Variants in PPP1R16B observed in about 807,000 individuals in gnomAD.
PPP1R16B encodes the protein protein phosphatase 1 regulatory subunit 16B.
Under a neutral mutation model 61.7 loss-of-function variants are expected in PPP1R16B, and 14 were observed. The observed-to-expected ratio is 0.23, with a 90% confidence interval of 0.15 to 0.35. PPP1R16B has a LOEUF of 0.35. Ranked by LOEUF, PPP1R16B falls within the 10% of genes least tolerant of loss-of-function variation. The pLI is 1.00. For missense variants in PPP1R16B, 547 were observed against 752.5 expected (o/e 0.73, Z 3.19); for synonymous variants, 266 against 305.3 (o/e 0.87, Z 1.34).
At chr20:38,877,385 C>T (rs2085174985) in intron 2 of PPP1R16B, among the ~76,000 whole-genome samples, 1 of 151,988 alleles carries the variant, frequency 6.6e-6, no homozygotes, top group South Asian at 2.1e-4. Context: ...CCTCGGCCCA[C>T]TGCAACCTCC....
chr20:38,896,404 A>ATC (rs142384788), intron 4 of PPP1R16B, among the ~76,000 whole-genome samples: 12 of 141,270 alleles, frequency 8.5e-5, no homozygotes, highest in South Asian at 2.3e-4. Context: ...TCCTCTCTTC[A>ATC]TCTCTCTCTC....
rs570221160 is a variant in PPP1R16B at position 38,828,155 on chromosome 20, T to A, written c.-101-7670T>A. 2.6e-5 allele frequency among the ~76,000 whole-genome samples: 4 copies of A among 152,326 alleles called. No individual in the cohort carries two copies. In the East Asian group the frequency reaches 7.7e-4, roughly 29 times the overall value. On this transcript the variant is annotated intron_variant, in intron 1 of 10. Transcript: ENST00000299824. ...GTTGTTTTTCTCGAGGCACTAGGCT[T>A]GAGTCCAAAAATGTGTCAACCGACT...
At chr20:38,855,978 A>AAGGAGGAGGAGGAGGAG (rs1265586618) in intron 2 of PPP1R16B, among the ~76,000 whole-genome samples, 1 of 29,752 alleles carries the variant, frequency 3.4e-5, no homozygotes, top group African/African-American at 2.3e-4. Context: ...AGAGAGAGAG[A>AAGGAGGAGGAGGAGGAG]GAGAAGGAGG....
chr20:38,865,359 G>C (rs938451503), intron 2 of PPP1R16B, among the ~76,000 whole-genome samples: 1 of 149,936 alleles, frequency 6.7e-6, no homozygotes, highest in Non-Finnish European at 1.5e-5. Flanking sequence ...GCGCGATCTC[G>C]GCTCACTGCG....
intron 1 of PPP1R16B, among the ~76,000 whole-genome samples, chr20:38,815,027 A>G (rs2084726295): frequency 6.6e-6 from 1 of 152,164 alleles, no homozygotes. Context: ...ATTTTCACCA[A>G]AATGTCATTC....
At chr20:38,855,933 T>TAGAGAGAGAGAGAG (rs1362360833) in intron 2 of PPP1R16B, among the ~76,000 whole-genome samples, 1 of 48,328 alleles carries the variant, frequency 2.1e-5, no homozygotes, top group Non-Finnish European at 3.5e-5. Flanking sequence ...TATATATATA[T>TAGAGAGAGAGAGAG]ATATATATAT....
At chr20:38,870,772 T>C (rs2085123404) in intron 2 of PPP1R16B, among the ~76,000 whole-genome samples, 1 of 152,206 alleles carries the variant, frequency 6.6e-6, no homozygotes, top group Admixed American at 6.5e-5. Context: ...ATTTCCTTGC[T>C]GCGTTCTCAG....
intron 2 of PPP1R16B, among the ~76,000 whole-genome samples, chr20:38,870,556 G>A (rs2085121790): frequency 6.6e-6 from 1 of 152,134 alleles, no homozygotes; most frequent in African/African-American, 2.4e-5. Flanking sequence ...AGAGGAGAGT[G>A]TTCTAGGCAG....
At position 38,910,975 on chromosome 20, in the gene PPP1R16B, C is replaced by G. The variant is rs1053219639; in HGVS notation, c.1194+2782C>G. 2.0e-5 allele frequency among the ~76,000 whole-genome samples: 3 copies of G among 151,694 alleles called. No homozygotes were observed. In the East Asian group the frequency reaches 6.0e-4, roughly 30 times the overall value. On this transcript the variant is annotated intron_variant, in intron 10 of 10. Coordinates refer to ENST00000299824, the MANE Select transcript of PPP1R16B (RefSeq NM_015568.4). ...GAGCCACTGCACTCCAGCCTGGGGA[C>G]AGAGCGAGACTCCGTCTCAAAACAA... is the stretch of plus-strand genomic sequence containing the variant.
In PPP1R16B at chr20:38,895,834, C is replaced by T. The variant is rs1399512832; in HGVS notation, c.467+124C>T. On this transcript the variant is annotated intron_variant, in intron 4 of 10. Transcript: ENST00000299824. Reference sequence around the variant, plus strand: ...CCTCCCTTCCTCCTTCCTTCTTTCTCTCCTCCCTTCCTCCTTCCTTCTTTC... The same window carrying T: ...CCTCCCTTCCTCCTTCCTTCTTTCTTTCCTCCCTTCCTCCTTCCTTCTTTC... 1,213 of 986,088 alleles carry T rather than the reference C, an allele frequency of 1.2e-3. 6 individuals carry two copies. The highest frequency in any genetic ancestry group is 0.01 in the East Asian group (266 of 25,556). The allele number at this position is 986,088 out of a possible 1,614,324, so 61.1% of individuals were successfully genotyped here. A position where few individuals can be genotyped will look rare whatever the true frequency, so the allele number is the denominator to read the frequency against.
intron 2 of PPP1R16B, among the ~76,000 whole-genome samples, chr20:38,886,933 T>C (rs1056595069): frequency 6.6e-6 from 1 of 152,254 alleles, no homozygotes; most frequent in Admixed American, 6.5e-5. Context: ...AAGCCCATAA[T>C]TAGTTATATA....
At chr20:38,880,933 G>A (rs1022291911) in intron 2 of PPP1R16B, among the ~76,000 whole-genome samples, 37 of 152,130 alleles carry the variant, frequency 2.4e-4, no homozygotes, top group African/African-American at 8.7e-4. Flanking sequence ...CCACCAGCAG[G>A]GCCCGAGGGC....
intron 2 of PPP1R16B, among the ~76,000 whole-genome samples, chr20:38,864,134 T>C (rs538111862): frequency 6.6e-6 from 1 of 152,312 alleles, no homozygotes; most frequent in South Asian, 2.1e-4. Context: ...ATGTCCAGAA[T>C]AGACAAATCT....
chr20:38,821,539 A>AT (rs1019134958), intron 1 of PPP1R16B, among the ~76,000 whole-genome samples: 1 of 152,162 alleles, frequency 6.6e-6, no homozygotes, highest in Non-Finnish European at 1.5e-5. Context: ...TTTGTGACAT[A>AT]TTTTTTTGCC....
intron 2 of PPP1R16B, among the ~76,000 whole-genome samples, chr20:38,862,272 G>C (rs757550589): frequency 6.6e-6 from 1 of 152,212 alleles, no homozygotes; most frequent in African/African-American, 2.4e-5. Context: ...GGCAATGTTA[G>C]CATAGTGAAT....
intron 2 of PPP1R16B, among the ~76,000 whole-genome samples, chr20:38,888,721 G>A (rs1163713196): frequency 1.3e-5 from 2 of 152,216 alleles, no homozygotes; most frequent in Non-Finnish European, 2.9e-5. Flanking sequence ...CCCTTTGCAC[G>A]TGGGTTCAGG....
rs2085560540 is a variant in PPP1R16B, at chr20:38,918,391, C to G, written c.1429C>G (p.Pro477Ala). 1 of 1,614,008 alleles carries G rather than the reference C, an allele frequency of 6.2e-7. No homozygotes were observed. Among genetic ancestry groups the G allele is most frequent in the Admixed American group, 1.7e-5 (1 of 60,014 alleles). The change falls in exon 11 of 11, where the codon CCT becomes GCT. Residue 477 changes from proline (P) to alanine (A), a missense_variant. Transcript: ENST00000299824. The surrounding 1 kb of genome is among the most constrained non-coding windows in gnomAD (Gnocchi z 5.3). The part of the protein sequence containing the change: ...PPWSSYKEQS[P>A]QTLLELKRQR... ...CTGGAGCAGCTACAAGGAACAGAGCCCTCAGACGCTTCTGGAGCTGAAGCG... is the reference window on the plus strand; with the variant it reads ...CTGGAGCAGCTACAAGGAACAGAGCGCTCAGACGCTTCTGGAGCTGAAGCG...
intron 2 of PPP1R16B, among the ~76,000 whole-genome samples, chr20:38,847,903 C>G (rs1020433571): frequency 2.0e-5 from 3 of 152,072 alleles, no homozygotes; most frequent in Admixed American, 2.0e-4. Flanking sequence ...TTTATATTGT[C>G]AAACCTAATG....
intron 2 of PPP1R16B, among the ~76,000 whole-genome samples, chr20:38,837,604 G>A (rs118011029): frequency 0.026 from 3,880 of 150,230 alleles, 87 homozygotes; most frequent in Admixed American, 0.07. Context: ...AGAGTGCAGC[G>A]GTGTAATCTC....
Sources: gnomAD v4.1 joint callset for allele counts (sites outside exome capture counted in the v4.1 genomes callset) on GRCh38, gnomAD v4.1.1 for gene constraint, Gnocchi (gnomAD v3.1) non-coding constraint, MANE v1.5 for transcripts, NCBI Gene and HGNC (gene_info 2026-07-23, HGNC 2026-07-21) for gene names.